The following PAX5 variants were observed in gnomAD, a reference collection of about 807,000 sequenced individuals.
PAX5 encodes the protein paired box protein Pax-5.
A neutral mutation model predicts 43.7 loss-of-function variants in PAX5; 9 were observed. The observed-to-expected ratio is 0.21, with a 90% CI of 0.12 to 0.36. PAX5 has a LOEUF of 0.36. Ranked by LOEUF, PAX5 falls within the 10% of genes least tolerant of loss-of-function variation. The pLI, the probability that PAX5 is intolerant of heterozygous loss-of-function variation, is 1.00. For synonymous variants in PAX5, 228 were observed against 214.3 expected, an observed-to-expected ratio of 1.06 and a Z score of -0.56; for missense variants, 383 against 532.7, an observed-to-expected ratio of 0.72 and a Z score of 2.77.
chr9:36,991,180 A>T (rs2132328148), intron 5 of PAX5, among the ~76,000 whole-genome samples: 1 of 152,272 alleles, frequency 6.6e-6, no homozygotes, highest in Non-Finnish European at 1.5e-5. Flanking sequence ...AAAGCACCAA[A>T]AAGATTTCAA....
At chr9:36,919,943 C>T (rs1423830684) in intron 7 of PAX5, among the ~76,000 whole-genome samples, 12 of 150,854 alleles carry the variant, frequency 8.0e-5, no homozygotes, top group Admixed American at 7.2e-4. Context: ...TTTCAGCCCT[C>T]ATGGATGACT....
chr9:36,955,781 AAAT>A (rs1390832289), intron 6 of PAX5, among the ~76,000 whole-genome samples: 85 of 86,572 alleles, frequency 9.8e-4, no homozygotes, highest in Middle Eastern at 5.4e-3. Flanking sequence ...AAAAAAAAAA[AAAT>A]ATATATATAT....
chr9:36,836,858 G>A lies in PAX5; in HGVS notation c.*3702C>T, dbSNP rs1442244518. 3 of 232,378 alleles carry A rather than the reference G, an allele frequency of 1.3e-5. No homozygotes were observed. Among genetic ancestry groups the A allele is most frequent in the South Asian group, 1.8e-4 (1 of 5,516 alleles). 14.4% of individuals were successfully genotyped at this position (232,378 alleles called of 1,614,324 possible). On this transcript the variant is annotated 3_prime_UTR_variant, in exon 10 of 10. Coordinates refer to ENST00000358127, the MANE Select transcript of PAX5 (RefSeq NM_016734.3). ...CAGGGCTGGACCCATGTCCAGGCCT[G>A]GTCAGGGATTATGGCATGGCCTTGA...
intron 6 of PAX5, among the ~76,000 whole-genome samples, chr9:36,927,802 G>A (rs575296692): frequency 6.0e-4 from 91 of 151,120 alleles, no homozygotes; most frequent in African/African-American, 1.9e-3. Flanking sequence ...TCCGCCCCCC[G>A]GGTTCAAGCG....
At chr9:36,914,706 G>T (rs1037219945) in intron 7 of PAX5, among the ~76,000 whole-genome samples, 1 of 152,070 alleles carries the variant, frequency 6.6e-6, no homozygotes, top group Non-Finnish European at 1.5e-5. Context: ...GGGGATGCTG[G>T]GTGGAACTGG....
At chr9:36,890,431 C>T (rs994479348) in intron 7 of PAX5, among the ~76,000 whole-genome samples, 8 of 152,216 alleles carry the variant, frequency 5.3e-5, no homozygotes, top group Non-Finnish European at 8.8e-5. Flanking sequence ...GAGCTCTTTG[C>T]GAACTGGCAA....
Position 36,862,429 on chromosome 9 carries a change from G to T in PAX5, c.1013-15500C>A, listed in dbSNP as rs114740663. On this transcript the variant is annotated intron_variant, in intron 8 of 9. Coordinates refer to ENST00000358127, the MANE Select transcript of PAX5 (RefSeq NM_016734.3). ...TCCCCAGCACCGCGTTCTGGGGTGG[G>T]AATAGATGCGCCCCTGAGAGGTCCT... 6.1e-3 allele frequency among the ~76,000 whole-genome samples: 934 copies of T among 152,276 alleles called. 9 individuals carry two copies. The highest frequency in any genetic ancestry group is 0.022 in the African/African-American group (909 of 41,550).
chr9:37,003,933 C>G (rs961126557), intron 4 of PAX5, among the ~76,000 whole-genome samples: 1 of 152,260 alleles, frequency 6.6e-6, no homozygotes, highest in Non-Finnish European at 1.5e-5. Flanking sequence ...CACTAATAAA[C>G]AATGAAGAGC....
chr9:36,975,417 G>A (rs1470549740), intron 5 of PAX5, among the ~76,000 whole-genome samples: 6 of 149,288 alleles, frequency 4.0e-5, no homozygotes, highest in South Asian at 2.1e-4. Flanking sequence ...ACGGAGTCTT[G>A]CTCTGTTGCC....
chr9:36,996,050 C>T (rs1351859656), intron 5 of PAX5, among the ~76,000 whole-genome samples: 4 of 152,248 alleles, frequency 2.6e-5, no homozygotes, highest in African/African-American at 7.2e-5. Flanking sequence ...CCCGGGCTCC[C>T]GGCTGCAGGC....
intron 1 of PAX5, among the ~76,000 whole-genome samples, chr9:37,025,258 G>T (rs1840224639): frequency 6.6e-6 from 1 of 152,172 alleles, no homozygotes; most frequent in Non-Finnish European, 1.5e-5. Context: ...GCCAGCCCTG[G>T]CTGCCTACAC....
rs144063327 is a variant in PAX5, at chr9:36,859,891, C to T, written c.1013-12962G>A. On this transcript the variant is annotated intron_variant, in intron 8 of 9. Coordinates refer to ENST00000358127, the MANE Select transcript of PAX5 (RefSeq NM_016734.3). ...CTACTAAAAATACAAAAAAATTAGC[C>T]AGGCATGGTGGTGGGCACCTGTAGT... Among the ~76,000 whole-genome samples, 69 of 151,976 alleles carry T rather than the reference C, an allele frequency of 4.5e-4. 3 individuals carry two copies. In the East Asian group the frequency reaches 0.013, roughly 29 times the overall value.
chr9:36,929,277 G>GGAACGAAGGAAGGAAGGAAC (rs1554666318), intron 6 of PAX5, among the ~76,000 whole-genome samples: 1 of 149,998 alleles, frequency 6.7e-6, no homozygotes, highest in African/African-American at 2.5e-5. Flanking sequence ...AAGGAAGGAA[G>GGAACGAAGGAAGGAAGGAAC]GAAGGAAGGA....
chr9:36,998,028 C>T (rs924617386), intron 5 of PAX5, among the ~76,000 whole-genome samples: 1 of 152,256 alleles, frequency 6.6e-6, no homozygotes, highest in Non-Finnish European at 1.5e-5. Context: ...CCAGCGCCTG[C>T]TCACACCTCT....
chr9:36,984,627 AG>A (rs1289388117), intron 5 of PAX5, among the ~76,000 whole-genome samples: 1 of 151,050 alleles, frequency 6.6e-6, no homozygotes, highest in African/African-American at 2.4e-5. Flanking sequence ...TTTTTAGTAG[AG>A]GTTTTTTGTA....
intron 3 of PAX5, 29 bp from the exon 4 acceptor site, chr9:37,006,566 A>G (rs781443452): frequency 1.3e-6 from 2 of 1,593,154 alleles, no homozygotes; most frequent in East Asian, 2.2e-5. Flanking sequence ...CAAAATTGCT[A>G]TTTACCATCA....
At chr9:36,973,400 TG>T (rs1835143732) in intron 5 of PAX5, among the ~76,000 whole-genome samples, 1 of 152,114 alleles carries the variant, frequency 6.6e-6, no homozygotes, top group African/African-American at 2.4e-5. Context: ...AGTACAGAGC[TG>T]GGGTGACTGG....
chr9:36,945,967 G>C (rs1333724881), intron 6 of PAX5, among the ~76,000 whole-genome samples: 3 of 152,250 alleles, frequency 2.0e-5, no homozygotes, highest in African/African-American at 7.2e-5. Context: ...TCAGGGGCTA[G>C]AAAGTGTTCA....
chr9:36,951,009 T>C (rs1182787538), intron 6 of PAX5, among the ~76,000 whole-genome samples: 3 of 152,166 alleles, frequency 2.0e-5, no homozygotes, highest in Non-Finnish European at 4.4e-5. Context: ...CCCAAAGTGC[T>C]GGGATTGCAG....
Sources: gnomAD v4.1 joint callset for allele counts (sites outside exome capture counted in the v4.1 genomes callset) on GRCh38, gnomAD v4.1.1 for gene constraint, MANE v1.5 for transcripts, NCBI Gene and HGNC (gene_info 2026-07-23, HGNC 2026-07-21) for gene names.